SNX13: variants seen among roughly 807,000 people sequenced by gnomAD.
SNX13 encodes sorting nexin-13.
In SNX13, 45 loss-of-function variants were observed where a neutral mutation model predicts 133.6. The ratio of observed to expected loss-of-function variants is 0.34; its 90% CI spans 0.27 to 0.43. The LOEUF is 0.43. Among genes scored for constraint, SNX13 ranks in the 20% least tolerant of loss-of-function variants. SNX13 has a pLI of 1.00. For synonymous variants in SNX13, 414 were observed against 373.9 expected (o/e 1.11, Z -1.24); for missense variants, 1,032 against 1,145.1 (o/e 0.90, Z 1.43).
At chr7:17,849,891 C>T (rs189489125) in intron 11 of SNX13, among the ~76,000 whole-genome samples, 92 of 152,356 alleles carry the variant, frequency 6.0e-4, no homozygotes, top group African/African-American at 2.2e-3. Context: ...TCTCTATACG[C>T]TACTTTGCTT....
intron 16 of SNX13, among the ~76,000 whole-genome samples, chr7:17,828,048 T>G (rs945074456): frequency 6.6e-6 from 1 of 151,806 alleles, no homozygotes; most frequent in African/African-American, 2.4e-5. Context: ...TCTTTAAACA[T>G]GTTAGCATCT....
intron 20 of SNX13, among the ~76,000 whole-genome samples, chr7:17,804,014 G>A (rs1359671639): frequency 6.6e-6 from 1 of 151,734 alleles, no homozygotes; most frequent in Non-Finnish European, 1.5e-5. Context: ...CCGTGATCAT[G>A]TCACTGCACT....
In SNX13 at chr7:17,791,117, A is replaced by T. The variant is rs1328158441; in HGVS notation, c.*2928T>A. On this transcript the variant is annotated 3_prime_UTR_variant, in exon 26 of 26. Transcript: ENST00000428135. ...AATAAAAGGATGCAGCAACAACGGA[A>T]TGTAAGTTGTTGGATTAAGAAGACA... 6.6e-6 allele frequency: 1 copy of T among 152,088 alleles called. No individual in the cohort carries two copies. The highest frequency in any genetic ancestry group is 6.6e-5 in the Admixed American group (1 of 15,258). 9.4% of individuals were successfully genotyped at this position (152,088 alleles called of 1,614,324 possible). A position where few individuals can be genotyped will look rare whatever the true frequency, so the allele number is the denominator to read the frequency against.
chr7:17,828,230 T>C (rs955226087), intron 16 of SNX13, among the ~76,000 whole-genome samples: 1 of 151,780 alleles, frequency 6.6e-6, no homozygotes, highest in African/African-American at 2.4e-5. Flanking sequence ...AAAGTTACAA[T>C]TGGTAAAATA....
chr7:17,895,855 T>TCC (rs1262315307), intron 2 of SNX13, among the ~76,000 whole-genome samples: 1 of 152,168 alleles, frequency 6.6e-6, no homozygotes, highest in Non-Finnish European at 1.5e-5. Context: ...TTACCCACCT[T>TCC]CCAAGGGCTC....
intron 20 of SNX13, among the ~76,000 whole-genome samples, chr7:17,805,042 T>C (rs1476680879): frequency 6.6e-6 from 1 of 152,194 alleles, no homozygotes; most frequent in African/African-American, 2.4e-5. Context: ...GTACCATAGA[T>C]ATGCTTGACG....
chr7:17,931,339 G>C (rs575189648), intron 1 of SNX13, among the ~76,000 whole-genome samples: 58 of 121,662 alleles, frequency 4.8e-4, no homozygotes, highest in Non-Finnish European at 7.7e-4. Flanking sequence ...ACATCTTAAA[G>C]TCAGAACATT....
intron 18 of SNX13, among the ~76,000 whole-genome samples, chr7:17,820,346 C>T (rs1227932259): frequency 6.6e-6 from 1 of 151,856 alleles, no homozygotes; most frequent in African/African-American, 2.4e-5. Flanking sequence ...GAGCTATATG[C>T]TTTTAAAATA....
At chr7:17,879,578 GA>G (rs1795110252) in intron 5 of SNX13, 1 of 152,192 alleles carries the variant, frequency 6.6e-6, no homozygotes, top group Non-Finnish European at 1.5e-5. Context: ...TATGTACTGA[GA>G]AGCTCTTTTT....
At chr7:17,875,820 T>G (rs752873520) in intron 5 of SNX13, 30 bp from the exon 6 acceptor site, 2 of 1,511,778 alleles carry the variant, frequency 1.3e-6, no homozygotes, top group East Asian at 2.3e-5. Flanking sequence ...ATAAAAGGAT[T>G]ATATAAATGC....
intron 5 of SNX13, among the ~76,000 whole-genome samples, chr7:17,877,045 G>GAAA (rs57618763): frequency 2.0e-4 from 12 of 60,040 alleles, no homozygotes; most frequent in African/African-American, 2.6e-4. Flanking sequence ...GTTACTTTTT[G>GAAA]AAAAAAAAAA....
At chr7:17,868,381 G>A (rs776143556) in intron 9 of SNX13, 26 bp downstream of exon 9, 1 of 1,500,370 alleles carries the variant, frequency 6.7e-7, no homozygotes, top group Admixed American at 1.8e-5. Context: ...TTCTAAAACA[G>A]AGTTGTAATT....
At chr7:17,933,717 A>C (rs1562547410) in intron 1 of SNX13, among the ~76,000 whole-genome samples, 1 of 150,734 alleles carries the variant, frequency 6.6e-6, no homozygotes. Flanking sequence ...CTCAGGACCC[A>C]CCCACCTATC....
At position 17,793,336 on chromosome 7, in the gene SNX13, G is replaced by C. The variant is rs1783726900; in HGVS notation, c.*709C>G. The C allele has an allele frequency of 1.3e-5, 2 of 152,074 alleles. No individual in the cohort carries two copies. The highest frequency in any genetic ancestry group is 2.4e-5 in the African/African-American group (1 of 41,376). The allele number at this position is 152,074 out of a possible 1,614,324, so 9.4% of individuals were successfully genotyped here. A position where few individuals can be genotyped will look rare whatever the true frequency, so the allele number is the denominator to read the frequency against. ...ATGCCAAAAGGAAACATAAAATTGA[G>C]TACCCTAAGAGCAAAACACAGCCCT... is the stretch of plus-strand genomic sequence containing the variant. On this transcript the variant is annotated 3_prime_UTR_variant, in exon 26 of 26. Transcript: ENST00000428135.
intron 1 of SNX13, among the ~76,000 whole-genome samples, chr7:17,938,855 A>G (rs1490790280): frequency 6.6e-6 from 1 of 152,232 alleles, no homozygotes; most frequent in Non-Finnish European, 1.5e-5. Context: ...TCCCACTAAA[A>G]TATCACACTT....
intron 21 of SNX13, among the ~76,000 whole-genome samples, 157 bp downstream of exon 21, chr7:17,803,262 T>G (rs1215987631): frequency 6.6e-6 from 1 of 152,204 alleles, no homozygotes; most frequent in Non-Finnish European, 1.5e-5. Context: ...GGTAAGAATT[T>G]TTCTCTTTAG....
intron 1 of SNX13, among the ~76,000 whole-genome samples, chr7:17,925,358 G>C (rs777735191): frequency 3.2e-4 from 49 of 152,284 alleles, no homozygotes; most frequent in African/African-American, 1.2e-3. Context: ...GCCCAACTCT[G>C]TGAATATAGC....
chr7:17,862,699 T>G (rs1210995692), intron 9 of SNX13, among the ~76,000 whole-genome samples: 3 of 152,220 alleles, frequency 2.0e-5, no homozygotes. Flanking sequence ...ATCCCCTATT[T>G]GGGACATTTA....
In SNX13 at chr7:17,936,508, A is replaced by G. The variant is rs559599771; in HGVS notation, c.12+3776T>C. Among the ~76,000 whole-genome samples, 18 of 152,356 alleles carry G rather than the reference A, an allele frequency of 1.2e-4. No homozygotes were observed. In the South Asian group the frequency reaches 1.4e-3, roughly 12 times the overall value. ...TACACTGTTTATTATTTTTTAAAAC[A>G]CAGGACAAGTGACAACACGTTGATA... On this transcript the variant is annotated intron_variant, in intron 1 of 25. Transcript: ENST00000428135.
Sources: gnomAD v4.1 joint callset for allele counts (sites outside exome capture counted in the v4.1 genomes callset) on GRCh38, gnomAD v4.1.1 for gene constraint, MANE v1.5 for transcripts, NCBI Gene and HGNC (gene_info 2026-07-23, HGNC 2026-07-21) for gene names.